The following NEK11 variants were observed in gnomAD, a reference collection of about 807,000 sequenced individuals.
NEK11 encodes the protein NIMA related kinase 11.
NEK11 carries 72 observed loss-of-function variants against 80.7 expected under a neutral mutation model. That is an observed-to-expected ratio of 0.89 (90% CI 0.74 to 1.08). The LOEUF (loss-of-function observed/expected upper bound fraction) is 1.08. Among genes scored for constraint, NEK11 ranks in the 50% least tolerant of loss-of-function variants. The pLI is 0.00. For missense variants in NEK11, 764 were observed against 763.6 expected, an observed-to-expected ratio of 1.00 and a Z score of -0.01; for synonymous variants, 251 against 260.7, an observed-to-expected ratio of 0.96 and a Z score of 0.36.
At chr3:131,273,602 G>A in intron 17 of NEK11, 28 bp downstream of exon 17, 1 of 1,535,752 alleles carries the variant, frequency 6.5e-7, no homozygotes, top group Non-Finnish European at 9.0e-7. Flanking sequence ...TGCCCCCTAG[G>A]AAGGTGCAGT....
intron 2 of NEK11, among the ~76,000 whole-genome samples, chr3:131,029,404 A>G (rs531146555): frequency 1.1e-4 from 16 of 152,354 alleles, no homozygotes; most frequent in African/African-American, 3.6e-4. Flanking sequence ...CACTTCTGCC[A>G]AATTTCAATG....
At chr3:131,340,195 C>T (rs11714372) in intron 17 of NEK11, among the ~76,000 whole-genome samples, 39,860 of 152,026 alleles carry the variant, frequency 0.26, 6,516 homozygotes, top group Middle Eastern at 0.46. Context: ...TGTTTTTATT[C>T]GTACAAAATA....
At chr3:131,034,387 G>A (rs1208563968) in intron 3 of NEK11, among the ~76,000 whole-genome samples, 1 of 152,088 alleles carries the variant, frequency 6.6e-6, no homozygotes, top group Non-Finnish European at 1.5e-5. Flanking sequence ...CAACTATGAA[G>A]TATTTAATAC....
At chr3:131,068,498 T>C (rs2072495554) in intron 3 of NEK11, among the ~76,000 whole-genome samples, 2 of 152,218 alleles carry the variant, frequency 1.3e-5, no homozygotes, top group Admixed American at 1.3e-4. Flanking sequence ...TATTCTCAGA[T>C]TCCAGAATCT....
intron 17 of NEK11, among the ~76,000 whole-genome samples, chr3:131,348,158 CAT>C (rs2097394783): frequency 6.6e-6 from 1 of 152,184 alleles, no homozygotes; most frequent in Admixed American, 6.5e-5. Context: ...TGAACACACA[CAT>C]AATAGCCCAA....
intron 17 of NEK11, among the ~76,000 whole-genome samples, chr3:131,336,257 G>C (rs2097182166): frequency 6.6e-6 from 1 of 152,170 alleles, no homozygotes. Context: ...CATGGTACTG[G>C]TACCAAACAG....
chr3:131,100,610 T>G (rs2078227654), intron 4 of NEK11, among the ~76,000 whole-genome samples: 1 of 152,196 alleles, frequency 6.6e-6, no homozygotes, highest in South Asian at 2.1e-4. Flanking sequence ...TTTTGGCATA[T>G]TAACTTTTTG....
At chr3:131,282,760 C>G (rs2096416715) in intron 17 of NEK11, among the ~76,000 whole-genome samples, 1 of 141,028 alleles carries the variant, frequency 7.1e-6, no homozygotes, top group Non-Finnish European at 1.5e-5. Context: ...TCTTTATTGT[C>G]CTTCTTGTTA....
At chr3:131,300,712 C>T (rs1005430163) in intron 17 of NEK11, among the ~76,000 whole-genome samples, 3 of 152,006 alleles carry the variant, frequency 2.0e-5, no homozygotes, top group African/African-American at 7.2e-5. Flanking sequence ...CATTCCTGGG[C>T]TCTCTGTTCT....
At chr3:131,187,314 G>C (rs2093638054) in intron 14 of NEK11, among the ~76,000 whole-genome samples, 1 of 152,042 alleles carries the variant, frequency 6.6e-6, no homozygotes, top group African/African-American at 2.4e-5. Context: ...AGTCTTATTG[G>C]GCAGCACTGT....
At chr3:131,299,158 G>A (rs1256786017) in intron 17 of NEK11, among the ~76,000 whole-genome samples, 4 of 152,262 alleles carry the variant, frequency 2.6e-5, no homozygotes, top group African/African-American at 9.6e-5. Flanking sequence ...AGGGTGTGAT[G>A]TAAGATTATT....
At chr3:131,293,081 C>A (rs2096559951) in intron 17 of NEK11, among the ~76,000 whole-genome samples, 1 of 151,868 alleles carries the variant, frequency 6.6e-6, no homozygotes, top group African/African-American at 2.4e-5. Flanking sequence ...TATTTATTTC[C>A]TTTTTTATCT....
chr3:131,233,173 C>T (rs2095366559), intron 15 of NEK11, among the ~76,000 whole-genome samples: 1 of 152,140 alleles, frequency 6.6e-6, no homozygotes, highest in South Asian at 2.1e-4. Flanking sequence ...TCAGGCTGCA[C>T]TGCAATTCTG....
intron 17 of NEK11, among the ~76,000 whole-genome samples, chr3:131,304,791 T>C (rs572074174): frequency 6.6e-5 from 10 of 152,106 alleles, no homozygotes; most frequent in Non-Finnish European, 1.3e-4. Context: ...ATGCCAATAG[T>C]TGGTGCTGGC....
chr3:131,195,150 A>G (rs545405167), intron 14 of NEK11, among the ~76,000 whole-genome samples: 2 of 152,248 alleles, frequency 1.3e-5, no homozygotes, highest in African/African-American at 4.8e-5. Context: ...AGAGTTTGCC[A>G]TTGCTTGCTT....
intron 16 of NEK11, among the ~76,000 whole-genome samples, chr3:131,258,750 T>C (rs1231997429): frequency 6.6e-6 from 1 of 152,210 alleles, no homozygotes; most frequent in Non-Finnish European, 1.5e-5. Context: ...ATATTTGCAG[T>C]GTGAAATAAC....
At chr3:131,266,740 A>G (rs1442277011) in intron 16 of NEK11, among the ~76,000 whole-genome samples, 3 of 152,212 alleles carry the variant, frequency 2.0e-5, no homozygotes, top group Non-Finnish European at 2.9e-5. Flanking sequence ...TCCAGATCTG[A>G]GTTCAAGTCC....
intron 3 of NEK11, among the ~76,000 whole-genome samples, chr3:131,038,924 G>A (rs891553354): frequency 5.3e-5 from 8 of 152,186 alleles, no homozygotes; most frequent in Non-Finnish European, 1.2e-4. Flanking sequence ...ATATGGAATA[G>A]CATTCTTCAT....
chr3:131,139,519 T>C (rs1361793248), intron 7 of NEK11, among the ~76,000 whole-genome samples: 1 of 152,094 alleles, frequency 6.6e-6, no homozygotes, highest in Non-Finnish European at 1.5e-5. Flanking sequence ...TAGAAAAAGA[T>C]ATTAATATAT....
Sources: allele counts gnomAD v4.1 joint callset (sites outside exome capture counted in the v4.1 genomes callset), GRCh38; gene constraint gnomAD v4.1.1; transcripts MANE v1.5; gene names NCBI Gene and HGNC (gene_info 2026-07-23, HGNC 2026-07-21).